NAPA: variants seen among roughly 807,000 people sequenced by gnomAD.
NAPA encodes the protein alpha-soluble NSF attachment protein.
In NAPA, 18 loss-of-function variants were observed where a neutral mutation model predicts 48.0. The ratio of observed to expected loss-of-function variants is 0.38; its 90% CI spans 0.26 to 0.56. The LOEUF (loss-of-function observed/expected upper bound fraction) is 0.56. Ranked by LOEUF, NAPA falls within the 20% of genes least tolerant of loss-of-function variation. The pLI is 0.77. For synonymous variants in NAPA, 152 were observed against 149.9 expected, an observed-to-expected ratio of 1.01 and a Z score of -0.10; for missense variants, 315 against 385.0, an observed-to-expected ratio of 0.82 and a Z score of 1.52.
chr19:47,508,844 G>C (rs1968745938), intron 1 of NAPA, among the ~76,000 whole-genome samples: 1 of 152,092 alleles, frequency 6.6e-6, no homozygotes, highest in South Asian at 2.1e-4. Context: ...CCAGGGCTTT[G>C]GGAGGCCGAA....
At chr19:47,510,865 C>T (rs1968792359) in intron 1 of NAPA, among the ~76,000 whole-genome samples, 2 of 152,200 alleles carry the variant, frequency 1.3e-5, no homozygotes, top group Non-Finnish European at 1.5e-5. Flanking sequence ...GTTTGAGCTG[C>T]GCCCCCATCA....
chr19:47,493,563 C>T lies in NAPA; in HGVS notation c.343-70G>A. ...TGCGTGCCTGCCTGCTGACCTATGA[C>T]CCTTCAAGTTCCCACCCCTCAGCCA... On this transcript the variant is annotated intron_variant, in intron 4 of 10. Transcript: ENST00000263354. The surrounding 1 kb of genome is among the most constrained non-coding windows in gnomAD (Gnocchi z 6.4). 7.1e-7 allele frequency: 1 copy of T among 1,398,766 alleles called. No homozygotes were observed. The allele number at this position is 1,398,766 out of a possible 1,614,324, so 86.6% of individuals were successfully genotyped here. A position where few individuals can be genotyped will look rare whatever the true frequency, so the allele number is the denominator to read the frequency against.
At chr19:47,502,178 T>A (rs1568468678) in intron 2 of NAPA, among the ~76,000 whole-genome samples, 1 of 125,124 alleles carries the variant, frequency 8.0e-6, no homozygotes, top group African/African-American at 3.0e-5. Context: ...GAGGCGGAGG[T>A]TGCAGTGAGC....
rs1321429403 is a variant in NAPA, at chr19:47,492,708, G to A, written c.561+253C>T. The A allele has an allele frequency of 4.6e-6, 3 of 645,278 alleles. No individual in the cohort carries two copies. The East Asian group carries it at 9.1e-5, about 20-fold the overall frequency. The allele number at this position is 645,278 out of a possible 1,614,324, so 40.0% of individuals were successfully genotyped here. A position where few individuals can be genotyped will look rare whatever the true frequency, so the allele number is the denominator to read the frequency against. ...CCAGCCTCACTCTGGGCCCCTCCAG[G>A]AAGCTCTGCGAGGGGTGTGGGAGGG... On this transcript the variant is annotated intron_variant, in intron 7 of 10. Coordinates refer to ENST00000263354, the MANE Select transcript of NAPA (RefSeq NM_003827.4).
Position 47,506,821 on chromosome 19 carries a change from T to C in NAPA, c.99-3319A>G, listed in dbSNP as rs1968702282. 1 of 152,304 alleles carries C rather than the reference T, an allele frequency of 6.6e-6. No individual in the cohort carries two copies. 9.4% of individuals were successfully genotyped at this position (152,304 alleles called of 1,614,324 possible). On this transcript the variant is annotated intron_variant, in intron 1 of 10. Coordinates refer to ENST00000263354, the MANE Select transcript of NAPA (RefSeq NM_003827.4). This position sits in a 1 kb window ranked among gnomAD's most constrained non-coding sequence, Gnocchi z 4.0. ...CCTTCTTCCCCTGCACCCCGCGGTC[T>C]TGCCCATTACCATGGCCAGGGGATG...
intron 7 of NAPA, chr19:47,492,753 C>T (rs11881195): frequency 0.14 from 93,446 of 689,000 alleles, 7,352 homozygotes; most frequent in Admixed American, 0.24. Context: ...GGGAGAGAGA[C>T]GGTGCTGGCA....
rs780484447 is a variant in NAPA at position 47,500,720 on chromosome 19, GT to G, written c.207del (p.Gln70SerfsTer35). 6.2e-7 allele frequency: 1 copy of G among 1,609,328 alleles called. No individual in the cohort carries two copies. Among genetic ancestry groups the G allele is most frequent in the Non-Finnish European group, 8.5e-7 (1 of 1,177,744 alleles). Reference sequence around the variant, plus strand: ...TTGCTCTGGAGCTGCAGGTGCAGCTGTGCAGCCTGGCAGAACGCGTTTCCAG... The same window carrying G: ...TTGCTCTGGAGCTGCAGGTGCAGCTGGCAGCCTGGCAGAACGCGTTTCCAG... ...SAAGNAFCQA[A>X]QLHLQLQSKH... On this transcript the variant is annotated frameshift_variant, in exon 3 of 11. Coordinates refer to ENST00000263354, the MANE Select transcript of NAPA (RefSeq NM_003827.4). LOFTEE classifies it high-confidence loss of function.
At chr19:47,505,909 G>C (rs530713711) in intron 1 of NAPA, among the ~76,000 whole-genome samples, 1 of 151,556 alleles carries the variant, frequency 6.6e-6, no homozygotes, top group Non-Finnish European at 1.5e-5. Context: ...TGTTCTTCCC[G>C]CACTCGCCCT....
intron 3 of NAPA, chr19:47,497,224 G>A (rs972812923): frequency 1.1e-5 from 2 of 178,206 alleles, no homozygotes; most frequent in African/African-American, 4.8e-5. Flanking sequence ...CTCCTGGCCG[G>A]AACACCCAGG....
At chr19:47,492,478 C>T (rs1403157947) in intron 7 of NAPA, 19 of 392,546 alleles carry the variant, frequency 4.8e-5, no homozygotes, top group Admixed American at 7.8e-5. Context: ...ACATGAGAGG[C>T]GGCGCCCGCC....
intron 1 of NAPA, among the ~76,000 whole-genome samples, chr19:47,507,753 G>A (rs1599917374): frequency 6.6e-6 from 1 of 152,136 alleles, no homozygotes; most frequent in Middle Eastern, 3.2e-3. Context: ...TGCCTCCCAG[G>A]CACTCCCCTG....
At chr19:47,495,358 G>A (rs1179339014) in intron 4 of NAPA, 192 bp downstream of exon 4, 2 of 646,044 alleles carry the variant, frequency 3.1e-6, no homozygotes, top group Non-Finnish European at 5.5e-6. Flanking sequence ...CGTCAGGCTG[G>A]TGGGGAGCTG....
intron 3 of NAPA, among the ~76,000 whole-genome samples, chr19:47,499,842 T>G (rs967759170): frequency 1.3e-5 from 2 of 152,230 alleles, no homozygotes; most frequent in African/African-American, 4.8e-5. Context: ...ATTCCAAGAT[T>G]ATATAGCTGC....
At chr19:47,485,959 G>A (rs188783548), downstream of NAPA, among the ~76,000 whole-genome samples, 128 of 152,242 alleles carry the variant, frequency 8.4e-4, 1 homozygote, top group Non-Finnish European at 7.4e-5. Context: ...CATGTTGAGC[G>A]GATGAATGAA....
intron 1 of NAPA, among the ~76,000 whole-genome samples, chr19:47,512,051 C>T (rs550519784): frequency 1.3e-5 from 2 of 152,292 alleles, no homozygotes; most frequent in African/African-American, 4.8e-5. Flanking sequence ...TATGGTCTAA[C>T]GTGGAACTCC....
At chr19:47,489,353 C>A in intron 10 of NAPA, 1 of 287,588 alleles carries the variant, frequency 3.5e-6, no homozygotes, top group South Asian at 7.1e-5. Flanking sequence ...GTCTGTGCCT[C>A]CTGGGTGCCC....
chr19:47,512,355 C>G (rs989998202), intron 1 of NAPA, among the ~76,000 whole-genome samples: 1 of 152,182 alleles, frequency 6.6e-6, no homozygotes, highest in African/African-American at 2.4e-5. Flanking sequence ...AGAGCCTCCC[C>G]CTGGTTCACG....
In NAPA at chr19:47,504,736, G is replaced by GAC. The variant is rs146748214; in HGVS notation, c.99-1236_99-1235dup. 9.9e-3 allele frequency among the ~76,000 whole-genome samples: 1,490 copies of GAC among 151,224 alleles called. 21 individuals are homozygous for GAC. Among genetic ancestry groups the GAC allele is most frequent in the African/African-American group, 0.033 (1,357 of 41,162 alleles). ...ATATCTATACATTTACACATACACA[G>GAC]ACACACACACACACATATTTTTAAG... On this transcript the variant is annotated intron_variant, in intron 1 of 10. Coordinates refer to ENST00000263354, the MANE Select transcript of NAPA (RefSeq NM_003827.4).
chr19:47,498,686 T>C (rs552948835), intron 3 of NAPA, among the ~76,000 whole-genome samples: 1 of 152,276 alleles, frequency 6.6e-6, no homozygotes, highest in African/African-American at 2.4e-5. Context: ...CCCAAAGCAC[T>C]GAAATTACAG....
Sources: gnomAD v4.1 joint callset for allele counts (sites outside exome capture counted in the v4.1 genomes callset) on GRCh38, gnomAD v4.1.1 for gene constraint, Gnocchi (gnomAD v3.1) non-coding constraint, MANE v1.5 for transcripts, NCBI Gene and HGNC (gene_info 2026-07-23, HGNC 2026-07-21) for gene names.